Variants in FLACC1 observed in about 807,000 individuals in gnomAD.
The protein encoded by FLACC1 is flagellum-associated coiled-coil domain-containing protein 1.
FLACC1 carries 66 observed loss-of-function variants against 62.8 expected under a neutral mutation model. The ratio of observed to expected loss-of-function variants is 1.05; its 90% CI spans 0.86 to 1.29. The LOEUF (loss-of-function observed/expected upper bound fraction) is 1.29, where lower values mean the gene tolerates loss of function less well. FLACC1 is among the 50% of genes most tolerant of loss of function. The pLI, the probability that FLACC1 is intolerant of heterozygous loss-of-function variation, is 0.00. For missense variants in FLACC1, 452 were observed against 489.1 expected, an observed-to-expected ratio of 0.92 and a Z score of 0.71; for synonymous variants, 156 against 161.0, an observed-to-expected ratio of 0.97 and a Z score of 0.24.
At chr2:201,321,800 T>C (rs913562596) in intron 9 of FLACC1, among the ~76,000 whole-genome samples, 3 of 152,080 alleles carry the variant, frequency 2.0e-5, no homozygotes, top group Non-Finnish European at 4.4e-5. Flanking sequence ...CTCCAACCCT[T>C]ACCCCAGGTA....
At chr2:201,348,919 C>A (rs961133387) in intron 3 of FLACC1, among the ~76,000 whole-genome samples, 1 of 152,182 alleles carries the variant, frequency 6.6e-6, no homozygotes, top group Non-Finnish European at 1.5e-5. Context: ...GTTGTCACAG[C>A]TCCTTCTCTG....
chr2:201,347,758 G>C (rs1320520506), intron 4 of FLACC1, among the ~76,000 whole-genome samples: 1 of 152,116 alleles, frequency 6.6e-6, no homozygotes, highest in Non-Finnish European at 1.5e-5. Context: ...CTGTGCCTGC[G>C]TCAGACCAGT....
At chr2:201,308,345 C>A (rs530574440) in intron 10 of FLACC1, among the ~76,000 whole-genome samples, 1 of 152,302 alleles carries the variant, frequency 6.6e-6, no homozygotes, top group Non-Finnish European at 1.5e-5. Context: ...AGCAGCTCCC[C>A]CTCCCGTTCC....
rs537640910 is a variant in FLACC1, at chr2:201,337,555, T to C, written c.524+4815A>G. Among the ~76,000 whole-genome samples, 13 of 152,314 alleles carry C rather than the reference T, an allele frequency of 8.5e-5. No homozygotes were observed. The South Asian group carries it at 2.3e-3, about 27-fold the overall frequency. ...TTTTGGTTATGATAGCCTTGATCTA[T>C]ATCAAGGAGTGCAGTTGGAGTGCAG... On this transcript the variant is annotated intron_variant, in intron 7 of 14. Transcript: ENST00000392257.
chr2:201,342,462 G>A, intron 6 of FLACC1, 31 bp from the exon 7 acceptor site: 2 of 1,610,432 alleles, frequency 1.2e-6, no homozygotes, highest in Non-Finnish European at 1.7e-6. Flanking sequence ...TACAACACAG[G>A]ACTGAGGACC....
At chr2:201,359,191 C>G (rs1245013234), upstream of FLACC1, among the ~76,000 whole-genome samples, 1 of 152,150 alleles carries the variant, frequency 6.6e-6, no homozygotes, top group Non-Finnish European at 1.5e-5. Context: ...GGCTTTCCAG[C>G]TCGAGCAATT....
At chr2:201,344,304 CA>C in intron 5 of FLACC1, 41 bp from the exon 6 acceptor site, 1 of 1,512,508 alleles carries the variant, frequency 6.6e-7, no homozygotes. Context: ...CAAAGCTTAC[CA>C]TTCCATGCCA....
chr2:201,329,531 T>G (rs1262926464), intron 9 of FLACC1, among the ~76,000 whole-genome samples: 1 of 152,138 alleles, frequency 6.6e-6, no homozygotes, highest in Non-Finnish European at 1.5e-5. Context: ...AGCAAAGACA[T>G]GGAATCAACC....
At chr2:201,354,661 AAAG>A (rs1475107811) in intron 1 of FLACC1, among the ~76,000 whole-genome samples, 2 of 152,166 alleles carry the variant, frequency 1.3e-5, no homozygotes, top group East Asian at 3.9e-4. Flanking sequence ...TGAGAGTCTG[AAAG>A]AAGGCTACAA....
intron 12 of FLACC1, among the ~76,000 whole-genome samples, chr2:201,294,260 C>T (rs577338694): frequency 1.1e-4 from 17 of 152,220 alleles, no homozygotes; most frequent in African/African-American, 3.6e-4. Flanking sequence ...AACATCGATG[C>T]AAAAATCCTC....
upstream of FLACC1, among the ~76,000 whole-genome samples, chr2:201,359,554 T>C (rs1372453259): frequency 6.6e-6 from 1 of 152,224 alleles, no homozygotes; most frequent in Non-Finnish European, 1.5e-5. Flanking sequence ...TTAAAATGCA[T>C]AGACCTGTTG....
At chr2:201,323,643 C>A (rs1372324398) in intron 9 of FLACC1, among the ~76,000 whole-genome samples, 1 of 151,734 alleles carries the variant, frequency 6.6e-6, no homozygotes, top group Non-Finnish European at 1.5e-5. Flanking sequence ...AAAAATTAGC[C>A]AGGTGTGATT....
chr2:201,333,567 A>C (rs1185464711), intron 7 of FLACC1, among the ~76,000 whole-genome samples: 2 of 67,638 alleles, frequency 3.0e-5, no homozygotes, highest in East Asian at 5.2e-4. Context: ...CCCCCACCCC[A>C]TAACAGTCCC....
chr2:201,337,049 A>T (rs1950710565), intron 7 of FLACC1, among the ~76,000 whole-genome samples: 1 of 152,198 alleles, frequency 6.6e-6, no homozygotes, highest in Non-Finnish European at 1.5e-5. Context: ...CCTCTGTCAA[A>T]TGAGTAGTTT....
chr2:201,289,714 C>G lies in FLACC1; in HGVS notation c.1014G>C (p.Gln338His), dbSNP rs1169403057. 1.9e-6 allele frequency: 3 copies of G among 1,613,784 alleles called. No individual in the cohort carries two copies. The highest frequency in any genetic ancestry group is 2.5e-6 in the Non-Finnish European group (3 of 1,179,894). ...ESLNTNLYYT[Q>H]LELQKEKAIV... ...GACTCACCTCTTTCTGGAGTTCCAA[C>G]TGGGTATAGTAGAGGTTTGTGTTCA... is the stretch of plus-strand genomic sequence containing the variant. The change falls in exon 13 of 15, where the codon CAG becomes CAC. Residue 338 changes from glutamine to histidine, a missense_variant. By Grantham distance (24) the Gln-to-His change is conservative (BLOSUM62 0). Coordinates refer to ENST00000392257, the MANE Select transcript of FLACC1 (RefSeq NM_001127391.3).
intron 3 of FLACC1, 47 bp from the exon 4 acceptor site, chr2:201,348,349 A>C: frequency 6.3e-7 from 1 of 1,598,990 alleles, no homozygotes; most frequent in Non-Finnish European, 8.5e-7. Context: ...AGCAAAGAGA[A>C]GTTCAAAGCT....
Position 201,299,289 on chromosome 2 carries a change from T to C in FLACC1, c.891A>G (p.Lys297=). Reference sequence around the variant, plus strand: ...ATTGCAAGGTGTCACTTTGATGTTGTTTCAAGAGCTCCTAAAAACAATTTT... The same window carrying C: ...ATTGCAAGGTGTCACTTTGATGTTGCTTCAAGAGCTCCTAAAAACAATTTT... ...NFIQEKEELL[K]QHQSDTLQLE... The change falls in exon 12 of 15, where the codon AAA becomes AAG. Residue 297 remains lysine (K), a synonymous_variant. Coordinates refer to ENST00000392257, the MANE Select transcript of FLACC1 (RefSeq NM_001127391.3). 1 of 1,613,758 alleles carries C rather than the reference T, an allele frequency of 6.2e-7. No individual in the cohort carries two copies. The highest frequency in any genetic ancestry group is 8.5e-7 in the Non-Finnish European group (1 of 1,179,838).
chr2:201,304,735 A>C (rs1456776555), intron 11 of FLACC1, among the ~76,000 whole-genome samples: 1 of 152,226 alleles, frequency 6.6e-6, no homozygotes, highest in African/African-American at 2.4e-5. Flanking sequence ...CAAAACATAG[A>C]TATAGACCAA....
intron 9 of FLACC1, among the ~76,000 whole-genome samples, chr2:201,317,164 C>T (rs1576439497): frequency 6.6e-6 from 1 of 152,168 alleles, no homozygotes; most frequent in Non-Finnish European, 1.5e-5. Context: ...ACTCTCACCA[C>T]TCCTCTTCAA....
Sources: gnomAD v4.1 joint callset for allele counts (sites outside exome capture counted in the v4.1 genomes callset) on GRCh38, gnomAD v4.1.1 for gene constraint, MANE v1.5 for transcripts, NCBI Gene and HGNC (gene_info 2026-07-23, HGNC 2026-07-21) for gene names.